The following PHF3 variants were observed in gnomAD, a reference collection of about 807,000 sequenced individuals.
PHF3 encodes the protein PHD finger protein 3.
Under a neutral mutation model 178.4 loss-of-function variants are expected in PHF3, and 41 were observed. That is an observed-to-expected ratio of 0.23 (90% confidence interval 0.18 to 0.30). PHF3 has a LOEUF of 0.30. Among genes scored for constraint, PHF3 ranks in the 10% least tolerant of loss-of-function variants. PHF3 has a pLI of 1.00. For synonymous variants in PHF3, 842 were observed against 800.5 expected (o/e 1.05, Z -0.88); for missense variants, 2,346 against 2,398.1 (o/e 0.98, Z 0.45).
intron 8 of PHF3, among the ~76,000 whole-genome samples, chr6:63,699,754 C>A (rs1220387715): frequency 6.6e-6 from 1 of 152,050 alleles, no homozygotes; most frequent in Non-Finnish European, 1.5e-5. Context: ...CCACGCCCAG[C>A]TAATTTTTGT....
chr6:63,720,979 A>G lies in PHF3; in HGVS notation c.*7271A>G. On this transcript the variant is annotated 3_prime_UTR_variant, in exon 16 of 16. Coordinates refer to ENST00000262043, the MANE Select transcript of PHF3 (RefSeq NM_001370348.2). Reference sequence around the variant, plus strand: ...TCTCCCAAGTTAACTGCTATTTTCAAGGTCTGATTATGGAGACCAATTGCC... The same window carrying G: ...TCTCCCAAGTTAACTGCTATTTTCAGGGTCTGATTATGGAGACCAATTGCC... 1 of 1,551,394 alleles carries G rather than the reference A, an allele frequency of 6.4e-7. No individual in the cohort carries two copies. Among genetic ancestry groups the G allele is most frequent in the Non-Finnish European group, 8.7e-7 (1 of 1,146,800 alleles).
intron 4 of PHF3, among the ~76,000 whole-genome samples, chr6:63,691,210 G>A (rs1766983726): frequency 6.6e-6 from 1 of 152,110 alleles, no homozygotes; most frequent in South Asian, 2.1e-4. Context: ...GCTCCATCAT[G>A]CTAGTTTTTG....
chr6:63,642,636 G>T (rs778043798), intron 1 of PHF3, among the ~76,000 whole-genome samples: 1 of 152,070 alleles, frequency 6.6e-6, no homozygotes, highest in African/African-American at 2.4e-5. Context: ...GGATATACAC[G>T]TATCATCAGC....
At chr6:63,710,909 A>G (rs1016872089) in intron 14 of PHF3, among the ~76,000 whole-genome samples, 10 of 152,156 alleles carry the variant, frequency 6.6e-5, no homozygotes, top group African/African-American at 2.4e-4. Context: ...AAAGTCATTA[A>G]TCACCTTTGG....
intron 1 of PHF3, among the ~76,000 whole-genome samples, chr6:63,639,269 G>A (rs1764477076): frequency 1.3e-5 from 2 of 152,152 alleles, no homozygotes; most frequent in South Asian, 4.1e-4. Context: ...GAAGAGCGTG[G>A]TAGATTATAC....
At chr6:63,665,476 G>GTTTTTTTTTT (rs1469138723) in intron 2 of PHF3, among the ~76,000 whole-genome samples, 2 of 108,460 alleles carry the variant, frequency 1.8e-5, no homozygotes, top group African/African-American at 8.3e-5. Context: ...TCGCTTTGTG[G>GTTTTTTTTTT]TTTTTTTTTG....
rs1361517424 is a variant in PHF3 at position 63,716,154 on chromosome 6, C to CA, written c.*2449dup. 5.3e-5 allele frequency among the ~76,000 whole-genome samples: 8 copies of CA among 152,202 alleles called. No homozygotes were observed. The East Asian group carries it at 1.5e-3, about 29-fold the overall frequency. ...CACTTAGTATAAACATTGGTCAACT[C>CA]AAAGGTGAAGGCTTAGAGCTGAGGA... On this transcript the variant is annotated 3_prime_UTR_variant, in exon 16 of 16. Coordinates refer to ENST00000262043, the MANE Select transcript of PHF3 (RefSeq NM_001370348.2).
At chr6:63,653,575 A>G (rs2149547573) in intron 2 of PHF3, among the ~76,000 whole-genome samples, 1 of 152,308 alleles carries the variant, frequency 6.6e-6, no homozygotes, top group Admixed American at 6.5e-5. Context: ...TATAAGTTCT[A>G]ACAGTGCAGA....
At position 63,715,961 on chromosome 6, in the gene PHF3, A is replaced by G. The variant is rs1057078856; in HGVS notation, c.*2253A>G. ...TTAAGAAAAAACCTGCTCTTTAAAA[A>G]AAGTTTTACACTTAAAAAAACTTAG... On this transcript the variant is annotated 3_prime_UTR_variant, in exon 16 of 16. Transcript: ENST00000262043. Among the ~76,000 whole-genome samples, 3 of 152,132 alleles carry G rather than the reference A, an allele frequency of 2.0e-5. No individual in the cohort carries two copies. In the South Asian group the frequency reaches 6.2e-4, roughly 31 times the overall value.
chr6:63,675,166 G>A (rs191144000), intron 2 of PHF3, among the ~76,000 whole-genome samples: 1 of 152,244 alleles, frequency 6.6e-6, no homozygotes, highest in East Asian at 1.9e-4. Context: ...AGATTTCTGA[G>A]TATGATCATG....
rs565204525 is a variant in PHF3 at position 63,721,543 on chromosome 6, T to G, written c.*7835T>G. 3 of 1,551,756 alleles carry G rather than the reference T, an allele frequency of 1.9e-6. No individual in the cohort carries two copies. The highest frequency in any genetic ancestry group is 2.4e-5 in the East Asian group (1 of 40,914). On this transcript the variant is annotated 3_prime_UTR_variant, in exon 16 of 16. Transcript: ENST00000262043. Reference sequence around the variant, plus strand: ...TCTATTGCCATGGGATTTACAAGATTTAAAGAAGATACTCCTCCAATATAG... The same window carrying G: ...TCTATTGCCATGGGATTTACAAGATGTAAAGAAGATACTCCTCCAATATAG...
chr6:63,655,458 C>T (rs1765194513), intron 2 of PHF3, among the ~76,000 whole-genome samples: 1 of 152,106 alleles, frequency 6.6e-6, no homozygotes, highest in African/African-American at 2.4e-5. Flanking sequence ...AGCGAGCTGC[C>T]CACCTTAGCC....
Position 63,715,057 on chromosome 6 carries a change from A to G in PHF3, c.*1349A>G. The G allele has an allele frequency of 6.6e-6, 1 of 152,178 alleles. No individual in the cohort carries two copies. The highest frequency in any genetic ancestry group is 6.6e-5 in the Admixed American group (1 of 15,260). 9.4% of individuals were successfully genotyped at this position (152,178 alleles called of 1,614,324 possible). On this transcript the variant is annotated 3_prime_UTR_variant, in exon 16 of 16. Transcript: ENST00000262043. ...ATTTACTTACCTGTATTAATGAAGA[A>G]AAATATAAATAATTCCACAAAATTG...
chr6:63,713,326 T>G lies in PHF3; in HGVS notation c.5738T>G (p.Phe1913Cys). Residue 1913 changes from phenylalanine (F) to cysteine (C), a missense_variant, in exon 16 of 16, where the codon TTT becomes TGT. Phe to Cys is a radical substitution (Grantham distance 205, BLOSUM62 -2). This residue lies in a region of PHF3 where 839 missense variants were observed against 806.9 expected (regional missense o/e 1.04). Transcript: ENST00000262043. ...RQDQQQLDRP[F>C]NRGKGDRQRF... Reference sequence around the variant, plus strand: ...GACCAACAGCAACTGGATAGGCCATTTAATAGGGGTAAAGGGGACCGCCAG... The same window carrying G: ...GACCAACAGCAACTGGATAGGCCATGTAATAGGGGTAAAGGGGACCGCCAG... 2 of 1,613,878 alleles carry G rather than the reference T, an allele frequency of 1.2e-6. No individual in the cohort carries two copies. The highest frequency in any genetic ancestry group is 1.7e-6 in the Non-Finnish European group (2 of 1,179,958).
At chr6:63,704,309 G>A (rs908959293) in intron 11 of PHF3, among the ~76,000 whole-genome samples, 7 of 151,970 alleles carry the variant, frequency 4.6e-5, no homozygotes, top group African/African-American at 1.7e-4. Flanking sequence ...TGTGGGTATG[G>A]ACAAATGTGT....
Position 63,717,773 on chromosome 6 carries a change from A to G in PHF3, c.*4065A>G, listed in dbSNP as rs1768233458. Among the ~76,000 whole-genome samples the G allele has an allele frequency of 6.6e-6, 1 of 152,050 alleles. No homozygotes were observed. The highest frequency in any genetic ancestry group is 2.4e-5 in the African/African-American group (1 of 41,440). The stretch of plus-strand genomic sequence containing the variant: ...ATGTGTGTATATATACATATATGTT[A>G]GCCCAAGCTGTCTTTTAAAACTCCT... On this transcript the variant is annotated 3_prime_UTR_variant, in exon 16 of 16. Coordinates refer to ENST00000262043, the MANE Select transcript of PHF3 (RefSeq NM_001370348.2).
chr6:63,723,208 ACT>A lies in PHF3; in HGVS notation c.*9502_*9503del, dbSNP rs946727287. The stretch of plus-strand genomic sequence containing the variant: ...TGTTTTAAAAATTCATAACAAAGAA[ACT>A]CAGTTTATTTGCATAATTTCTAACA... On this transcript the variant is annotated 3_prime_UTR_variant, in exon 16 of 16. Coordinates refer to ENST00000262043, the MANE Select transcript of PHF3 (RefSeq NM_001370348.2). 1.3e-5 allele frequency among the ~76,000 whole-genome samples: 2 copies of A among 152,196 alleles called. No homozygotes were observed. Among genetic ancestry groups the A allele is most frequent in the African/African-American group, 4.8e-5 (2 of 41,454 alleles).
chr6:63,641,866 G>A (rs1394348624), intron 1 of PHF3, among the ~76,000 whole-genome samples: 1 of 152,042 alleles, frequency 6.6e-6, no homozygotes, highest in African/African-American at 2.4e-5. Flanking sequence ...AACCTCAGGT[G>A]ATCTGCCCGC....
In PHF3 at chr6:63,635,895, C is replaced by T; in HGVS notation, c.-281C>T. The T allele has an allele frequency of 2.5e-6, 1 of 397,924 alleles. No homozygotes were observed. Among genetic ancestry groups the T allele is most frequent in the Non-Finnish European group, 4.4e-6 (1 of 225,610 alleles). The allele number at this position is 397,924 out of a possible 1,614,324, so 24.6% of individuals were successfully genotyped here. ...CTCGCGCCGTCGCACCGTCCCCACGCGGCAAGCGACCTTCGGGCTCAGGGC... is the reference window on the plus strand; with the variant it reads ...CTCGCGCCGTCGCACCGTCCCCACGTGGCAAGCGACCTTCGGGCTCAGGGC... On this transcript the variant is annotated 5_prime_UTR_variant, in exon 1 of 16. Coordinates refer to ENST00000262043, the MANE Select transcript of PHF3 (RefSeq NM_001370348.2).
Sources: allele counts gnomAD v4.1 joint callset (sites outside exome capture counted in the v4.1 genomes callset), GRCh38; gene constraint gnomAD v4.1.1; regional missense constraint gnomAD v4.1.1; transcripts MANE v1.5; gene names NCBI Gene and HGNC (gene_info 2026-07-23, HGNC 2026-07-21).